Variants in ZNF827 observed in about 807,000 individuals in gnomAD.
ZNF827 encodes zinc finger protein 827.
ZNF827 carries 13 observed loss-of-function variants against 102.4 expected under a neutral mutation model. That is an observed-to-expected ratio of 0.13 (90% CI 0.08 to 0.20). The LOEUF (loss-of-function observed/expected upper bound fraction) is 0.20. Among genes scored for constraint, ZNF827 ranks in the 10% least tolerant of loss-of-function variants. ZNF827 has a pLI of 1.00. For missense variants in ZNF827, 1,103 were observed against 1,344.4 expected (o/e 0.82, Z 2.81); for synonymous variants, 523 against 536.2 (o/e 0.98, Z 0.34).
At chr4:145,837,014 T>G (rs2126588211) in intron 7 of ZNF827, among the ~76,000 whole-genome samples, 1 of 152,312 alleles carries the variant, frequency 6.6e-6, no homozygotes, top group Non-Finnish European at 1.5e-5. Flanking sequence ...AAAATACCTC[T>G]TAGTCTAGGT....
intron 7 of ZNF827, among the ~76,000 whole-genome samples, chr4:145,840,040 T>C (rs994119315): frequency 6.6e-6 from 1 of 151,470 alleles, no homozygotes; most frequent in African/African-American, 2.4e-5. Flanking sequence ...GACAATGGAG[T>C]AGAGGAATAG....
At chr4:145,853,454 C>G (rs1382357420) in intron 5 of ZNF827, among the ~76,000 whole-genome samples, 1 of 152,048 alleles carries the variant, frequency 6.6e-6, no homozygotes, top group Non-Finnish European at 1.5e-5. Context: ...TGGTGGTGTG[C>G]CTATAGTCTC....
chr4:145,770,251 A>T (rs1485128122), intron 11 of ZNF827, among the ~76,000 whole-genome samples: 3 of 152,120 alleles, frequency 2.0e-5, no homozygotes, highest in Non-Finnish European at 4.4e-5. Context: ...GTGAGCCAAG[A>T]TCACGCCACT....
intron 4 of ZNF827, 40 bp from the exon 5 acceptor site, chr4:145,870,518 C>T (rs780116139): frequency 6.4e-7 from 1 of 1,553,062 alleles, no homozygotes; most frequent in Non-Finnish European, 8.9e-7. Flanking sequence ...ACATAAAAGG[C>T]CACTCCCCTC....
rs1283165025 is a variant in ZNF827 at position 145,807,511 on chromosome 4, C to A, written c.2383+15911G>T. Reference sequence around the variant, plus strand: ...TTTTTGAGACATAGTCTCGCTCTGTCGCCCAGGCTGGAGTGCAGTGGCGCC... The same window carrying A: ...TTTTTGAGACATAGTCTCGCTCTGTAGCCCAGGCTGGAGTGCAGTGGCGCC... On this transcript the variant is annotated intron_variant, in intron 8 of 14. Transcript: ENST00000508784. Among the ~76,000 whole-genome samples the A allele has an allele frequency of 8.6e-5, 13 of 150,780 alleles. No homozygotes were observed. The East Asian group carries it at 1.2e-3, about 14-fold the overall frequency.
Position 145,862,533 on chromosome 4 carries a change from T to G in ZNF827, c.1981+7712A>C, listed in dbSNP as rs1747830589. On this transcript the variant is annotated intron_variant, in intron 5 of 14. Coordinates refer to ENST00000508784, the MANE Select transcript of ZNF827 (RefSeq NM_001306215.2). ...CCCCCAGCCATGGGATATATATATA[T>G]ATATAAAATTGCTCACGGTGTGTAT... is the stretch of plus-strand genomic sequence containing the variant. Among the ~76,000 whole-genome samples, 4 of 152,306 alleles carry G rather than the reference T, an allele frequency of 2.6e-5. No individual in the cohort carries two copies. The South Asian group carries it at 8.3e-4, about 32-fold the overall frequency.
chr4:145,769,606 G>A (rs1459191307), intron 11 of ZNF827, among the ~76,000 whole-genome samples: 1 of 152,172 alleles, frequency 6.6e-6, no homozygotes, highest in Non-Finnish European at 1.5e-5. Flanking sequence ...GTAATCCCTA[G>A]TCCAAACAGC....
At chr4:145,825,808 C>T (rs11100901) in intron 7 of ZNF827, among the ~76,000 whole-genome samples, 34,830 of 152,020 alleles carry the variant, frequency 0.23, 4,248 homozygotes, top group African/African-American at 0.28. Context: ...GAAAGGGAGA[C>T]AATCACCGAG....
chr4:145,837,209 T>A (rs936243013), intron 7 of ZNF827, among the ~76,000 whole-genome samples: 2 of 151,918 alleles, frequency 1.3e-5, no homozygotes. Flanking sequence ...TAGTATTCAG[T>A]GAAACCTTTA....
intron 1 of ZNF827, among the ~76,000 whole-genome samples, chr4:145,904,183 T>C (rs1253413301): frequency 6.6e-6 from 1 of 152,216 alleles, no homozygotes; most frequent in Non-Finnish European, 1.5e-5. Context: ...TCAAATGTCT[T>C]TCCCCAGAAA....
Position 145,902,960 on chromosome 4 carries a change from T to A in ZNF827, c.299A>T (p.His100Leu), listed in dbSNP as rs752600761. 3 of 1,613,992 alleles carry A rather than the reference T, an allele frequency of 1.9e-6. No individual in the cohort carries two copies. The South Asian group carries it at 3.3e-5, about 18-fold the overall frequency. Reference protein sequence around the residue: ...VLRDSLQCQDHLSPGVSSLCD... With the variant: ...VLRDSLQCQDLLSPGVSSLCD... ...CAAAGAAGACACTCCCGGGGAAAGG[T>A]GATCTTGACACTGCAGTGAGTCTCG... Residue 100 changes from histidine to leucine, a missense_variant, in exon 2 of 15, where the codon CAC (histidine) becomes CTC (leucine). His to Leu is a moderately conservative substitution (Grantham distance 99). Coordinates refer to ENST00000508784, the MANE Select transcript of ZNF827 (RefSeq NM_001306215.2). This position sits in a 1 kb window ranked among gnomAD's most constrained non-coding sequence, Gnocchi z 4.3.
chr4:145,794,877 C>CA (rs1740217730), intron 8 of ZNF827, among the ~76,000 whole-genome samples: 1 of 152,136 alleles, frequency 6.6e-6, no homozygotes, highest in Non-Finnish European at 1.5e-5. Context: ...GGCAAGAAAC[C>CA]ATGGGTTAAA....
chr4:145,764,097 G>A (rs1369433483), intron 13 of ZNF827, among the ~76,000 whole-genome samples: 2 of 152,140 alleles, frequency 1.3e-5, no homozygotes, highest in Non-Finnish European at 2.9e-5. Context: ...AAAACAAAAG[G>A]TTTTTTCCCC....
chr4:145,779,916 C>G lies in ZNF827; in HGVS notation c.2384-405G>C, dbSNP rs111250577. ...AGTAAATAAAGAATTGTAGGCTGGGCTTGGTCACTTACACCTGTAATCCCA... is the reference window on the plus strand; with the variant it reads ...AGTAAATAAAGAATTGTAGGCTGGGGTTGGTCACTTACACCTGTAATCCCA... On this transcript the variant is annotated intron_variant, in intron 8 of 14. Transcript: ENST00000508784. 1.3e-3 allele frequency among the ~76,000 whole-genome samples: 198 copies of G among 152,354 alleles called. 1 individual carries two copies. The highest frequency in any genetic ancestry group is 4.5e-3 in the African/African-American group (189 of 41,586).
intron 5 of ZNF827, among the ~76,000 whole-genome samples, chr4:145,855,167 A>C (rs1172224273): frequency 6.6e-6 from 1 of 152,218 alleles, no homozygotes; most frequent in Non-Finnish European, 1.5e-5. Flanking sequence ...TGATATAAAC[A>C]ATATCAATTG....
intron 8 of ZNF827, among the ~76,000 whole-genome samples, chr4:145,806,147 CTTTTTTTTTT>C (rs11364915): frequency 2.6e-5 from 2 of 77,368 alleles, no homozygotes; most frequent in Non-Finnish European, 4.9e-5. Context: ...AATAAATGAA[CTTTTTTTTTT>C]TTTTTTTTTT....
intron 9 of ZNF827, among the ~76,000 whole-genome samples, chr4:145,778,950 T>C (rs988561329): frequency 6.6e-6 from 1 of 152,208 alleles, no homozygotes; most frequent in Non-Finnish European, 1.5e-5. Flanking sequence ...GAACCAACCA[T>C]ATTTCTCCAC....
At chr4:145,817,276 A>G (rs1444621289) in intron 8 of ZNF827, among the ~76,000 whole-genome samples, 1 of 152,218 alleles carries the variant, frequency 6.6e-6, no homozygotes, top group Non-Finnish European at 1.5e-5. Flanking sequence ...TAAAGCCCCT[A>G]GACTAGACTG....
intron 3 of ZNF827, among the ~76,000 whole-genome samples, chr4:145,888,727 G>T (rs1402581881): frequency 6.6e-6 from 1 of 152,202 alleles, no homozygotes; most frequent in East Asian, 1.9e-4. Context: ...TATCTTAGCA[G>T]TCTTCCTCAC....
Sources: gnomAD v4.1 joint callset for allele counts (sites outside exome capture counted in the v4.1 genomes callset) on GRCh38, gnomAD v4.1.1 for gene constraint, Gnocchi (gnomAD v3.1) non-coding constraint, MANE v1.5 for transcripts, NCBI Gene and HGNC (gene_info 2026-07-23, HGNC 2026-07-21) for gene names.